ZFC3H1: variants seen among roughly 807,000 people sequenced by gnomAD.
ZFC3H1 encodes the protein zinc finger C3H1 domain-containing protein.
In ZFC3H1, 71 loss-of-function variants were observed where a neutral mutation model predicts 243.7. That is an observed-to-expected ratio of 0.29 (90% CI 0.24 to 0.36). ZFC3H1 has a LOEUF of 0.36. ZFC3H1 is among the 10% of genes least tolerant of loss of function. The pLI, the probability that ZFC3H1 is intolerant of heterozygous loss-of-function variation, is 1.00. For synonymous variants in ZFC3H1, 838 were observed against 813.0 expected (o/e 1.03, Z -0.52); for missense variants, 1,966 against 2,317.1 (o/e 0.85, Z 3.11).
intron 3 of ZFC3H1, among the ~76,000 whole-genome samples, chr12:71,646,382 T>C (rs1211472700): frequency 2.0e-5 from 3 of 152,064 alleles, no homozygotes; most frequent in Admixed American, 2.0e-4. Context: ...TGTGGCTATC[T>C]GAATTTAAAT....
intron 22 of ZFC3H1, among the ~76,000 whole-genome samples, chr12:71,625,219 T>C (rs1880133695): frequency 6.6e-6 from 1 of 152,248 alleles, no homozygotes; most frequent in African/African-American, 2.4e-5. Context: ...TATCATGTTA[T>C]CCAAATCTAT....
intron 3 of ZFC3H1, among the ~76,000 whole-genome samples, chr12:71,646,510 C>T (rs1008802104): frequency 1.3e-5 from 2 of 152,178 alleles, no homozygotes; most frequent in Admixed American, 6.5e-5. Flanking sequence ...AAAACATTTC[C>T]ATTATTGTAG....
chr12:71,639,460 T>C (rs954155232), intron 6 of ZFC3H1: 15 of 195,522 alleles, frequency 7.7e-5, no homozygotes, highest in Admixed American at 1.5e-4. Context: ...CCATGAACAT[T>C]TGAATGTTTA....
chr12:71,621,577 A>G (rs1360226573), intron 24 of ZFC3H1, among the ~76,000 whole-genome samples: 3 of 152,064 alleles, frequency 2.0e-5, no homozygotes, highest in Non-Finnish European at 2.9e-5. Flanking sequence ...AAGTGCTGGG[A>G]TTACAGATGT....
Position 71,663,809 on chromosome 12 carries a change from C to G in ZFC3H1, c.-199G>C, listed in dbSNP as rs1009751743. ...CGCCGGACCGTCGCAACCCAGTTCC[C>G]TTTCCTAGCGCCCCCTTGCTCCTCA... On this transcript the variant is annotated 5_prime_UTR_variant, in exon 1 of 35. Coordinates refer to ENST00000378743, the MANE Select transcript of ZFC3H1 (RefSeq NM_144982.5). 1.9e-5 allele frequency: 12 copies of G among 618,096 alleles called. No individual in the cohort carries two copies. The highest frequency in any genetic ancestry group is 3.7e-5 in the African/African-American group (2 of 54,214). The allele number at this position is 618,096 out of a possible 1,614,324, so 38.3% of individuals were successfully genotyped here. A position where few individuals can be genotyped will look rare whatever the true frequency, so the allele number is the denominator to read the frequency against.
In ZFC3H1 at chr12:71,614,851, T is replaced by G. The variant is rs1322240318; in HGVS notation, c.5343A>C (p.Val1781=). 3.1e-6 allele frequency: 5 copies of G among 1,613,320 alleles called. No homozygotes were observed. The Admixed American group carries it at 8.3e-5, about 27-fold the overall frequency. ...ALGVAMRCDI[V]QKIWMDYLVF... is the part of the protein sequence containing the mutation. ...AAACTTACTCCATCCATATCTTCTGTACTATATCACATCTCATAGCCACCC... is the reference window on the plus strand; with the variant it reads ...AAACTTACTCCATCCATATCTTCTGGACTATATCACATCTCATAGCCACCC... Residue 1781 remains valine (V), a synonymous_variant, in exon 29 of 35, where the codon GTA becomes GTC. Transcript: ENST00000378743.
At chr12:71,658,622 T>C (rs1881085739) in intron 1 of ZFC3H1, among the ~76,000 whole-genome samples, 1 of 151,978 alleles carries the variant, frequency 6.6e-6, no homozygotes, top group South Asian at 2.1e-4. Flanking sequence ...GGATGTAAAA[T>C]ACAGTACCCC....
At chr12:71,638,603 T>A (rs971308507) in intron 6 of ZFC3H1, 88 bp from the exon 7 acceptor site, 1 of 1,108,040 alleles carries the variant, frequency 9.0e-7, no homozygotes. Flanking sequence ...AAGAAATACA[T>A]CTAGGTGGAG....
intron 31 of ZFC3H1, 62 bp downstream of exon 31, chr12:71,613,273 A>G: frequency 8.3e-7 from 1 of 1,202,210 alleles, no homozygotes; most frequent in Non-Finnish European, 1.2e-6. Context: ...TTCAAGAATA[A>G]TCTTATATAA....
At position 71,626,453 on chromosome 12, in the gene ZFC3H1, A is replaced by G. The variant is rs1565809638; in HGVS notation, c.4131-7T>C. The G allele has an allele frequency of 6.3e-7, 1 of 1,579,068 alleles. No individual in the cohort carries two copies. The highest frequency in any genetic ancestry group is 8.6e-7 in the Non-Finnish European group (1 of 1,162,156). On this transcript the variant is annotated splice_region_variant and splice_polypyrimidine_tract_variant and intron_variant, in intron 21 of 34. Transcript: ENST00000378743. The stretch of plus-strand genomic sequence containing the variant: ...CAAGGATTCTGAGCACTCCCTGTAT[A>G]TATAAAAGAAAAGGTGGAAGTGCTT...
At chr12:71,626,648 ATTTT>A (rs974183760) in intron 21 of ZFC3H1, among the ~76,000 whole-genome samples, 2 of 152,166 alleles carry the variant, frequency 1.3e-5, no homozygotes, top group Admixed American at 1.3e-4. Flanking sequence ...AGACCCAACA[ATTTT>A]TTTAAGTGAA....
chr12:71,653,717 G>T (rs1880946440), intron 2 of ZFC3H1, among the ~76,000 whole-genome samples: 1 of 152,208 alleles, frequency 6.6e-6, no homozygotes, highest in Non-Finnish European at 1.5e-5. Context: ...AATATTGTCA[G>T]TAAGAATATA....
chr12:71,645,818 T>C (rs1178456444), intron 3 of ZFC3H1, among the ~76,000 whole-genome samples: 1 of 152,250 alleles, frequency 6.6e-6, no homozygotes, highest in Non-Finnish European at 1.5e-5. Flanking sequence ...AAAATTAATC[T>C]GTTCTCTCCA....
chr12:71,636,179 AAGAT>A (rs1019105496), intron 9 of ZFC3H1, among the ~76,000 whole-genome samples: 5 of 152,188 alleles, frequency 3.3e-5, no homozygotes, highest in African/African-American at 1.2e-4. Context: ...TGACTCCAAA[AAGAT>A]AGAAAATCTG....
chr12:71,652,424 T>C (rs1880912991), intron 2 of ZFC3H1, among the ~76,000 whole-genome samples: 1 of 152,236 alleles, frequency 6.6e-6, no homozygotes, highest in Non-Finnish European at 1.5e-5. Context: ...TATAATTTTA[T>C]GTCCAACCAC....
At position 71,615,320 on chromosome 12, in the gene ZFC3H1, A is replaced by G. The variant is rs777783186; in HGVS notation, c.5145-4T>C. The G allele has an allele frequency of 2.6e-5, 38 of 1,461,926 alleles. No homozygotes were observed. The highest frequency in any genetic ancestry group is 2.6e-4 in the African/African-American group (18 of 70,086). The allele number at this position is 1,461,926 out of a possible 1,614,324, so 90.6% of individuals were successfully genotyped here. A position where few individuals can be genotyped will look rare whatever the true frequency, so the allele number is the denominator to read the frequency against. On this transcript the variant is annotated splice_region_variant and splice_polypyrimidine_tract_variant and intron_variant, in intron 27 of 34. Transcript: ENST00000378743. ...TCCTGGAATATTTAAGAGATACCTG[A>G]AAAAAAAAATCCAAATATTGTTTTA...
Position 71,663,778 on chromosome 12 carries a change from C to G in ZFC3H1, c.-168G>C. The G allele has an allele frequency of 1.3e-6, 1 of 750,692 alleles. No individual in the cohort carries two copies. The highest frequency in any genetic ancestry group is 2.1e-6 in the Non-Finnish European group (1 of 471,246). The allele number at this position is 750,692 out of a possible 1,614,324, so 46.5% of individuals were successfully genotyped here. ...TTCCCCGCACCCCAGCACCCCAGCT[C>G]TCTCTCGCCGGACCGTCGCAACCCA... is the stretch of plus-strand genomic sequence containing the variant. On this transcript the variant is annotated 5_prime_UTR_variant, in exon 1 of 35. Coordinates refer to ENST00000378743, the MANE Select transcript of ZFC3H1 (RefSeq NM_144982.5).
intron 26 of ZFC3H1, 39 bp downstream of exon 26, chr12:71,619,887 A>G (rs1167750649): frequency 4.5e-6 from 7 of 1,550,626 alleles, no homozygotes; most frequent in African/African-American, 1.4e-5. Flanking sequence ...AATTTGAAAC[A>G]TAAAAGCATC....
intron 30 of ZFC3H1, 55 bp downstream of exon 30, chr12:71,614,480 T>G: frequency 3.4e-6 from 5 of 1,481,444 alleles, no homozygotes; most frequent in Non-Finnish European, 4.5e-6. Flanking sequence ...GCTATCATTT[T>G]TAAAGTCTCT....
Sources: allele counts gnomAD v4.1 joint callset (sites outside exome capture counted in the v4.1 genomes callset), GRCh38; gene constraint gnomAD v4.1.1; transcripts MANE v1.5; gene names NCBI Gene and HGNC (gene_info 2026-07-23, HGNC 2026-07-21).